Variants in NUMBL observed in about 807,000 individuals in gnomAD.
The protein encoded by NUMBL is NUMB like endocytic adaptor protein, also known as numb-like protein.
Under a neutral mutation model 48.9 loss-of-function variants are expected in NUMBL, and 20 were observed. The observed-to-expected ratio is 0.41, with a 90% confidence interval of 0.29 to 0.59. The LOEUF (loss-of-function observed/expected upper bound fraction) is 0.59. Ranked by LOEUF, NUMBL falls within the 20% of genes least tolerant of loss-of-function variation. NUMBL has a pLI of 0.31. For missense variants in NUMBL, 660 were observed against 846.2 expected (o/e 0.78, Z 2.73); for synonymous variants, 340 against 348.7 (o/e 0.98, Z 0.28).
At chr19:40,670,832 C>G (rs1445917559) in intron 8 of NUMBL, among the ~76,000 whole-genome samples, 1 of 152,052 alleles carries the variant, frequency 6.6e-6, no homozygotes, top group Non-Finnish European at 1.5e-5. Context: ...TGCGTGACTC[C>G]CAGGTGTGAG....
At position 40,677,440 on chromosome 19, in the gene NUMBL, C is replaced by T. The variant is rs199668776; in HGVS notation, c.541-19G>A. 1,153 of 1,600,130 alleles carry T rather than the reference C, an allele frequency of 7.2e-4. 10 individuals are homozygous for T. In the South Asian group the frequency reaches 7.2e-3, roughly 10 times the overall value. On this transcript the variant is annotated intron_variant, in intron 6 of 9. Transcript: ENST00000252891. The stretch of plus-strand genomic sequence containing the variant: ...TCTCGCCCTATGGGGAGAGGATGGG[C>T]GGGGGGGTTAGAGGCGCTGGGCAGT...
At chr19:40,685,353 CGCTG>C (rs1162585788) in intron 2 of NUMBL, 1 of 153,672 alleles carries the variant, frequency 6.5e-6, no homozygotes, top group African/African-American at 2.4e-5. Flanking sequence ...TGTTCTGGAA[CGCTG>C]TCTATGAGGG....
Position 40,682,687 on chromosome 19 carries a change from G to C in NUMBL, c.399+41C>G, listed in dbSNP as rs200812070. 1.1e-4 allele frequency: 180 copies of C among 1,594,676 alleles called. No individual in the cohort carries two copies. The highest frequency in any genetic ancestry group is 1.5e-4 in the Non-Finnish European group (170 of 1,165,038). The stretch of plus-strand genomic sequence containing the variant: ...CTCCGCCCTGATTCCAGCAGGGTGA[G>C]CAGACAGGCCCCCTGGCGTCCACCC... On this transcript the variant is annotated intron_variant, in intron 5 of 9. Coordinates refer to ENST00000252891, the MANE Select transcript of NUMBL (RefSeq NM_004756.5). The surrounding 1 kb of genome is among the most constrained non-coding windows in gnomAD (Gnocchi z 4.0).
At chr19:40,678,713 T>C (rs1320199768) in intron 6 of NUMBL, among the ~76,000 whole-genome samples, 2 of 152,054 alleles carry the variant, frequency 1.3e-5, no homozygotes, top group African/African-American at 4.8e-5. Flanking sequence ...ATCTTTCGCT[T>C]TGAAGAAAAA....
At chr19:40,683,022 T>G in intron 3 of NUMBL, 54 bp from the exon 4 acceptor site, 1 of 1,488,598 alleles carries the variant, frequency 6.7e-7, no homozygotes, top group Non-Finnish European at 9.4e-7. Flanking sequence ...TAATCACTCA[T>G]TCTCAGTGTC....
chr19:40,678,416 GC>G (rs1434559217), intron 6 of NUMBL, among the ~76,000 whole-genome samples: 3 of 152,172 alleles, frequency 2.0e-5, no homozygotes, highest in Non-Finnish European at 4.4e-5. Flanking sequence ...GCCCACCTGG[GC>G]CTCCCAAAGT....
chr19:40,675,060 T>C (rs535079248), intron 7 of NUMBL, among the ~76,000 whole-genome samples: 3 of 145,324 alleles, frequency 2.1e-5, no homozygotes, highest in Non-Finnish European at 3.0e-5. Flanking sequence ...GGAGAATCGC[T>C]TGAACCCGGG....
intron 6 of NUMBL, among the ~76,000 whole-genome samples, chr19:40,679,891 A>G (rs927690450): frequency 6.6e-6 from 1 of 152,170 alleles, no homozygotes; most frequent in Non-Finnish European, 1.5e-5. Flanking sequence ...CAGGACTGCT[A>G]AAGTCAATGG....
At chr19:40,676,691 CAAA>C (rs550390367) in intron 7 of NUMBL, among the ~76,000 whole-genome samples, 1 of 82,868 alleles carries the variant, frequency 1.2e-5, no homozygotes, top group Non-Finnish European at 2.6e-5. Context: ...GACTCCGTCT[CAAA>C]AAAAAAAAAA....
intron 6 of NUMBL, among the ~76,000 whole-genome samples, 176 bp from the exon 7 acceptor site, chr19:40,677,597 A>T (rs1289015195): frequency 6.6e-6 from 1 of 152,200 alleles, no homozygotes; most frequent in African/African-American, 2.4e-5. Flanking sequence ...GCTCCAAGTG[A>T]GAGAAGCCAG....
intron 1 of NUMBL, 24 bp downstream of exon 1, chr19:40,690,436 G>T: frequency 1.6e-6 from 2 of 1,232,234 alleles, no homozygotes; most frequent in South Asian, 3.0e-5. Flanking sequence ...CCCGACCCGA[G>T]CCCCCCTCTC....
intron 5 of NUMBL, among the ~76,000 whole-genome samples, chr19:40,681,691 CAGA>C (rs1004696770): frequency 2.0e-5 from 3 of 151,736 alleles, no homozygotes; most frequent in African/African-American, 7.3e-5. Context: ...ATTTTTTTCC[CAGA>C]AGGAGTCTTG....
intron 6 of NUMBL, among the ~76,000 whole-genome samples, chr19:40,679,010 G>T (rs1326794334): frequency 6.6e-6 from 1 of 152,170 alleles, no homozygotes. Context: ...AGAATCACTT[G>T]AAGGTTGGAG....
In NUMBL at chr19:40,666,569, A is replaced by G. The variant is rs1392978522; in HGVS notation, c.*899T>C. 6.6e-6 allele frequency: 1 copy of G among 152,504 alleles called. No individual in the cohort carries two copies. The highest frequency in any genetic ancestry group is 1.5e-5 in the Non-Finnish European group (1 of 68,010). 9.4% of individuals were successfully genotyped at this position (152,504 alleles called of 1,614,324 possible). On this transcript the variant is annotated 3_prime_UTR_variant, in exon 10 of 10. Transcript: ENST00000252891. Reference sequence around the variant, plus strand: ...AGTCAGTGGTACCTGTTACCACGCTATGACTCAGAGGTTATCACTCAGGGA... The same window carrying G: ...AGTCAGTGGTACCTGTTACCACGCTGTGACTCAGAGGTTATCACTCAGGGA...
chr19:40,683,201 C>T (rs2144663701), intron 3 of NUMBL, among the ~76,000 whole-genome samples: 1 of 152,318 alleles, frequency 6.6e-6, no homozygotes, highest in African/African-American at 2.4e-5. Flanking sequence ...AGCTATACCC[C>T]TGGGCCCTAA....
rs879389008 is a variant in NUMBL, at chr19:40,673,993, G to A, written c.731-344C>T. ...AACACTGATTTGGTGCTGGAACAAC[G>A]TATCAGGCATTGTTCCAGATGCTTT... On this transcript the variant is annotated intron_variant, in intron 7 of 9. Transcript: ENST00000252891. This position sits in a 1 kb window ranked among gnomAD's most constrained non-coding sequence, Gnocchi z 5.9. 6.6e-6 allele frequency among the ~76,000 whole-genome samples: 1 copy of A among 152,082 alleles called. No homozygotes were observed. The highest frequency in any genetic ancestry group is 1.9e-4 in the East Asian group (1 of 5,182).
In NUMBL at chr19:40,673,355, A is replaced by T; in HGVS notation, c.1025T>A (p.Val342Glu). The T allele has an allele frequency of 1.2e-6, 2 of 1,611,418 alleles. No homozygotes were observed. The highest frequency in any genetic ancestry group is 1.7e-4 in the Middle Eastern group (1 of 6,054). The change falls in exon 8 of 10, where the codon GTG becomes GAG. Residue 342 changes from valine (V) to glutamate (E), a missense_variant. By Grantham distance (121) the Val-to-Glu change is moderately radical (BLOSUM62 -2). Around this residue, in one of 3 missense-constraint regions of NUMBL, gnomAD observed 278 missense variants for 420.6 expected, o/e 0.66. Coordinates refer to ENST00000252891, the MANE Select transcript of NUMBL (RefSeq NM_004756.5). This position sits in a 1 kb window ranked among gnomAD's most constrained non-coding sequence, Gnocchi z 5.9. Reference protein sequence around the residue: ...STLQRRTDFQVKGTVPEMEPP... With the variant: ...STLQRRTDFQEKGTVPEMEPP... ...GGCCCAGGGCTCACCTGTGCCCTTC[A>T]CCTGGAAGTCAGTGCGGCGCTGCAG...
chr19:40,674,842 A>C (rs1242488932), intron 7 of NUMBL, among the ~76,000 whole-genome samples: 1 of 152,138 alleles, frequency 6.6e-6, no homozygotes, highest in African/African-American at 2.4e-5. Context: ...ATGTTTTGGA[A>C]TCCAACAAAA....
At position 40,686,954 on chromosome 19, in the gene NUMBL, G is replaced by A. The variant is rs1240940436; in HGVS notation, c.66C>T (p.Pro22=). Residue 22 remains proline, a synonymous_variant, in exon 2 of 10, where the codon CCC becomes CCT. Coordinates refer to ENST00000252891, the MANE Select transcript of NUMBL (RefSeq NM_004756.5). ...RRPERHLPPA[P]CGAPGPPETC... is the part of the protein sequence containing the mutation. ...TTTCTGGGGGCCCCGGGGCCCCACA[G>A]GGGGCTGGGGGCAGGTGCCGCTCAG... The A allele has an allele frequency of 3.3e-6, 5 of 1,538,040 alleles. No homozygotes were observed. Among genetic ancestry groups the A allele is most frequent in the Non-Finnish European group, 4.4e-6 (5 of 1,142,074 alleles).
Sources: allele counts gnomAD v4.1 joint callset (sites outside exome capture counted in the v4.1 genomes callset), GRCh38; gene constraint gnomAD v4.1.1; regional missense constraint gnomAD v4.1.1; non-coding constraint Gnocchi (gnomAD v3.1); transcripts MANE v1.5; gene names NCBI Gene and HGNC (gene_info 2026-07-23, HGNC 2026-07-21).